Variants in SUCLG1 observed in about 807,000 individuals in gnomAD.
The protein encoded by SUCLG1 is succinate--CoA ligase [ADP/GDP-forming] subunit alpha, mitochondrial.
In SUCLG1, 26 loss-of-function variants were observed where a neutral mutation model predicts 37.3. The observed-to-expected ratio is 0.70, with a 90% CI of 0.51 to 0.97. The LOEUF is 0.97. Ranked by LOEUF, SUCLG1 falls within the 50% of genes least tolerant of loss-of-function variation. SUCLG1 has a pLI of 0.00. For synonymous variants in SUCLG1, 163 were observed against 155.6 expected, an observed-to-expected ratio of 1.05 and a Z score of -0.36; for missense variants, 433 against 432.9, an observed-to-expected ratio of 1.00 and a Z score of 0.00.
At chr2:84,456,689 A>G (rs993103298) in intron 1 of SUCLG1, among the ~76,000 whole-genome samples, 13 of 151,894 alleles carry the variant, frequency 8.6e-5, no homozygotes, top group African/African-American at 3.1e-4. Context: ...TCTGAGACAG[A>G]GTCTCACTCT....
chr2:84,431,467 A>T, intron 7 of SUCLG1, 41 bp downstream of exon 7: 1 of 1,612,336 alleles, frequency 6.2e-7, no homozygotes, highest in Non-Finnish European at 8.5e-7. Flanking sequence ...AGCCTCTGAT[A>T]TTAAGAGCAA....
At chr2:84,458,824 C>A (rs796958415) in intron 1 of SUCLG1, among the ~76,000 whole-genome samples, 70 of 152,330 alleles carry the variant, frequency 4.6e-4, no homozygotes, top group African/African-American at 1.6e-3. Context: ...TGGACCTCTT[C>A]ATCCCCAACT....
intron 1 of SUCLG1, among the ~76,000 whole-genome samples, chr2:84,452,739 C>A (rs1047404110): frequency 2.0e-5 from 3 of 152,186 alleles, no homozygotes; most frequent in African/African-American, 7.2e-5. Flanking sequence ...ACTGTAAACT[C>A]CATGAGTGTC....
chr2:84,431,698 G>A, intron 6 of SUCLG1, 39 bp from the exon 7 acceptor site: 2 of 1,610,518 alleles, frequency 1.2e-6, no homozygotes, highest in South Asian at 2.2e-5. Flanking sequence ...GGAAATTTAA[G>A]GGTGAACCAT....
In SUCLG1 at chr2:84,425,589, C is replaced by T. The variant is rs1672524075; in HGVS notation, c.840G>A (p.Lys280=). 6.2e-7 allele frequency: 1 copy of T among 1,614,098 alleles called. No homozygotes were observed. Among genetic ancestry groups the T allele is most frequent in the South Asian group, 1.1e-5 (1 of 91,088 alleles). Reference sequence around the variant, plus strand: ...AACCAGCAATGAAGGACACTACAGGCTTGGAATTTGGACCCTAGAAAGAAA... The same window carrying T: ...AACCAGCAATGAAGGACACTACAGGTTTGGAATTTGGACCCTAGAAAGAAA... ...LKQHNSGPNS[K]PVVSFIAGLT... The change falls in exon 8 of 9, where the codon AAG becomes AAA. Residue 280 remains lysine (K), a synonymous_variant. Transcript: ENST00000393868.
intron 1 of SUCLG1, among the ~76,000 whole-genome samples, chr2:84,453,421 A>T (rs563955041): frequency 0.011 from 1,697 of 150,362 alleles, 30 homozygotes; most frequent in African/African-American, 0.039. Context: ...AAGTATTATT[A>T]TTATTTTTTT....
intron 7 of SUCLG1, among the ~76,000 whole-genome samples, chr2:84,429,109 C>G (rs567332500): frequency 6.6e-6 from 1 of 152,268 alleles, no homozygotes; most frequent in Admixed American, 6.5e-5. Flanking sequence ...GTGTTTACAC[C>G]AAGTATTACA....
chr2:84,453,891 A>G (rs1426643372), intron 1 of SUCLG1, among the ~76,000 whole-genome samples: 1 of 152,230 alleles, frequency 6.6e-6, no homozygotes. Flanking sequence ...AGCTGAGAAC[A>G]TCATCGCAGG....
intron 2 of SUCLG1, among the ~76,000 whole-genome samples, chr2:84,446,647 A>G (rs1672857115): frequency 6.6e-6 from 1 of 152,004 alleles, no homozygotes; most frequent in African/African-American, 2.4e-5. Flanking sequence ...TAGTTTGGAG[A>G]CTCTTGCTGC....
chr2:84,443,917 C>T (rs1231485395), intron 2 of SUCLG1, among the ~76,000 whole-genome samples: 1 of 152,174 alleles, frequency 6.6e-6, no homozygotes, highest in South Asian at 2.1e-4. Flanking sequence ...ACTGCCCACC[C>T]ACCAACCTGT....
chr2:84,459,045 C>G (rs1573381620), intron 1 of SUCLG1, 128 bp downstream of exon 1: 2 of 951,468 alleles, frequency 2.1e-6, no homozygotes, highest in Non-Finnish European at 3.0e-6. Flanking sequence ...AAGCCGGAAT[C>G]CCAAGCGGCT....
chr2:84,425,118 A>G (rs1672513181), intron 8 of SUCLG1, among the ~76,000 whole-genome samples: 1 of 152,200 alleles, frequency 6.6e-6, no homozygotes, highest in Non-Finnish European at 1.5e-5. Context: ...AACTCTCAAA[A>G]TGGAAATCAT....
At chr2:84,448,509 C>G (rs1178706450) in intron 2 of SUCLG1, among the ~76,000 whole-genome samples, 1 of 98,784 alleles carries the variant, frequency 1.0e-5, no homozygotes, top group African/African-American at 4.1e-5. Context: ...AAATCATTAA[C>G]CTTAAATTAC....
At chr2:84,443,467 AT>A in intron 2 of SUCLG1, 67 bp from the exon 3 acceptor site, 1 of 1,363,324 alleles carries the variant, frequency 7.3e-7, no homozygotes, top group South Asian at 1.2e-5. Context: ...AGCAAAAGCA[AT>A]CTTAGCAACT....
In SUCLG1 at chr2:84,446,722, AG is replaced by A. The variant is rs368543464; in HGVS notation, c.201+2926del. On this transcript the variant is annotated intron_variant, in intron 2 of 8. Transcript: ENST00000393868. The stretch of plus-strand genomic sequence containing the variant: ...AAGGAAGGAAGGAAGGGAGAGAGGG[AG>A]GGGGAAAATCTAATTTTTAAAAAAG... 6.8e-3 allele frequency among the ~76,000 whole-genome samples: 1,042 copies of A among 152,256 alleles called. 10 individuals are homozygous for A. The highest frequency in any genetic ancestry group is 0.023 in the African/African-American group (953 of 41,548).
chr2:84,441,812 C>A (rs1032185301), intron 3 of SUCLG1, among the ~76,000 whole-genome samples: 1 of 151,968 alleles, frequency 6.6e-6, no homozygotes, highest in South Asian at 2.1e-4. Context: ...AAACTCTGTT[C>A]AAGATGATAA....
chr2:84,444,545 A>ACCACAGGT (rs1235100760), intron 2 of SUCLG1, among the ~76,000 whole-genome samples: 2 of 151,962 alleles, frequency 1.3e-5, no homozygotes, highest in Admixed American at 6.5e-5. Flanking sequence ...GGACCACAGG[A>ACCACAGGT]CCGGGGCGAA....
At chr2:84,435,442 T>C (rs1467372564) in intron 5 of SUCLG1, among the ~76,000 whole-genome samples, 2 of 152,226 alleles carry the variant, frequency 1.3e-5, no homozygotes, top group African/African-American at 4.8e-5. Flanking sequence ...CATTGAATGG[T>C]TCACTATTAG....
At chr2:84,453,491 T>C (rs1395496433) in intron 1 of SUCLG1, among the ~76,000 whole-genome samples, 3 of 152,082 alleles carry the variant, frequency 2.0e-5, no homozygotes, top group Non-Finnish European at 4.4e-5. Flanking sequence ...CCCGGCTCAC[T>C]GCAACCTCCA....
Sources: allele counts gnomAD v4.1 joint callset (sites outside exome capture counted in the v4.1 genomes callset), GRCh38; gene constraint gnomAD v4.1.1; transcripts MANE v1.5; gene names NCBI Gene and HGNC (gene_info 2026-07-23, HGNC 2026-07-21).